The following STRN3 variants were observed in gnomAD, a reference collection of about 807,000 sequenced individuals.
STRN3 encodes striatin-3.
A neutral mutation model predicts 95.6 loss-of-function variants in STRN3; 29 were observed. The ratio of observed to expected loss-of-function variants is 0.30; its 90% CI spans 0.23 to 0.41. STRN3 has a LOEUF of 0.41. STRN3 is among the 10% of genes least tolerant of loss of function. The pLI is 1.00. For synonymous variants in STRN3, 331 were observed against 357.6 expected, an observed-to-expected ratio of 0.93 and a Z score of 0.84; for missense variants, 890 against 972.1, an observed-to-expected ratio of 0.92 and a Z score of 1.12.
intron 5 of STRN3, among the ~76,000 whole-genome samples, chr14:30,945,704 T>C (rs1879328117): frequency 6.6e-6 from 1 of 152,248 alleles, no homozygotes; most frequent in Non-Finnish European, 1.5e-5. Flanking sequence ...GAAGTGCTGA[T>C]GCATGCTATA....
chr14:30,952,122 AAC>A (rs1449051774), intron 3 of STRN3, among the ~76,000 whole-genome samples: 1 of 29,250 alleles, frequency 3.4e-5, no homozygotes, highest in Non-Finnish European at 1.3e-4. Context: ...TGTCTTAAAC[AAC>A]AAAAAAAAAG....
chr14:30,957,179 G>A (rs1470857637), intron 1 of STRN3, among the ~76,000 whole-genome samples: 1 of 151,710 alleles, frequency 6.6e-6, no homozygotes. Flanking sequence ...GAGGGGCCGA[G>A]CGCGGCGGCT....
chr14:30,926,711 T>G lies in STRN3; in HGVS notation c.1099+2490A>C, dbSNP rs117598625. Among the ~76,000 whole-genome samples the G allele has an allele frequency of 1.8e-3, 277 of 152,182 alleles. 5 individuals carry two copies. In the East Asian group the frequency reaches 0.032, roughly 17 times the overall value. On this transcript the variant is annotated intron_variant, in intron 8 of 17. Coordinates refer to ENST00000357479, the MANE Select transcript of STRN3 (RefSeq NM_001083893.2). Reference sequence around the variant, plus strand: ...ATTATATAAGCAAAATTCATTTTTTTGAAAAAACAGATATGAAATCAAAAT... The same window carrying G: ...ATTATATAAGCAAAATTCATTTTTTGGAAAAAACAGATATGAAATCAAAAT...
At chr14:30,907,600 T>TC (rs1896499741) in intron 13 of STRN3, among the ~76,000 whole-genome samples, 1 of 151,964 alleles carries the variant, frequency 6.6e-6, no homozygotes, top group Admixed American at 6.6e-5. Context: ...TATGTTTTCT[T>TC]TTTTTCTTTT....
At chr14:30,929,964 A>AAAAAAAC (rs1878421025) in intron 7 of STRN3, among the ~76,000 whole-genome samples, 1 of 147,224 alleles carries the variant, frequency 6.8e-6, no homozygotes. Flanking sequence ...CAAAAAAAAA[A>AAAAAAAC]AAAAAAAAAA....
intron 12 of STRN3, 64 bp downstream of exon 12, chr14:30,911,713 G>A: frequency 1.4e-6 from 2 of 1,414,356 alleles, no homozygotes; most frequent in Non-Finnish European, 1.9e-6. Flanking sequence ...AAGGTTTGAG[G>A]ACCGATAAAT....
intron 1 of STRN3, among the ~76,000 whole-genome samples, chr14:30,980,223 T>A (rs1881322629): frequency 6.6e-6 from 1 of 151,870 alleles, no homozygotes; most frequent in African/African-American, 2.4e-5. Context: ...ACAGCTGGGA[T>A]GACAGAGCAA....
intron 9 of STRN3, among the ~76,000 whole-genome samples, chr14:30,913,992 A>G (rs1025912855): frequency 6.6e-6 from 1 of 152,228 alleles, no homozygotes; most frequent in African/African-American, 2.4e-5. Flanking sequence ...ACAAATTTTG[A>G]TTAAATAATG....
intron 16 of STRN3, among the ~76,000 whole-genome samples, chr14:30,898,579 G>A (rs1269891277): frequency 6.6e-6 from 1 of 152,148 alleles, no homozygotes; most frequent in Non-Finnish European, 1.5e-5. Context: ...AGAACACAAT[G>A]CTGGACCAAG....
chr14:31,014,812 T>TAAA, intron 1 of STRN3: 1 of 411,092 alleles, frequency 2.4e-6, no homozygotes, highest in Non-Finnish European at 4.7e-6. Flanking sequence ...CAAAACCACT[T>TAAA]TAAAAAAAAA....
At chr14:31,017,924 A>G (rs1883318180) in intron 1 of STRN3, among the ~76,000 whole-genome samples, 1 of 151,760 alleles carries the variant, frequency 6.6e-6, no homozygotes, top group Admixed American at 6.6e-5. Flanking sequence ...AAAAATACAA[A>G]ATAATTAGCT....
intron 5 of STRN3, among the ~76,000 whole-genome samples, chr14:30,939,555 C>T (rs1878991311): frequency 1.3e-5 from 2 of 152,072 alleles, no homozygotes; most frequent in Non-Finnish European, 2.9e-5. Flanking sequence ...TCATGAGTAT[C>T]GTCAATCTTT....
In STRN3 at chr14:30,970,594, A is replaced by G. The variant is rs188954777; in HGVS notation, c.283-14352T>C. Among the ~76,000 whole-genome samples the G allele has an allele frequency of 1.4e-4, 22 of 152,116 alleles. No homozygotes were observed. In the East Asian group the frequency reaches 3.7e-3, roughly 25 times the overall value. ...ATGGGGGCTGAGGTTTCAAGGACAG[A>G]CCCTATTGGACTCCTTAAAATGCAT... On this transcript the variant is annotated intron_variant, in intron 1 of 17. Coordinates refer to ENST00000357479, the MANE Select transcript of STRN3 (RefSeq NM_001083893.2).
chr14:30,954,370 A>T (rs897061309), intron 3 of STRN3, among the ~76,000 whole-genome samples: 3 of 152,216 alleles, frequency 2.0e-5, no homozygotes, highest in African/African-American at 4.8e-5. Context: ...TTCTACTATG[A>T]TCAAATCAAT....
At chr14:30,957,876 G>C (rs953548682) in intron 1 of STRN3, among the ~76,000 whole-genome samples, 1 of 152,156 alleles carries the variant, frequency 6.6e-6, no homozygotes, top group Non-Finnish European at 1.5e-5. Flanking sequence ...TGTTCAGTAT[G>C]AGAAAGAAAG....
intron 1 of STRN3, among the ~76,000 whole-genome samples, chr14:30,957,468 A>AAAAAGAG (rs1555320671): frequency 4.3e-5 from 6 of 139,106 alleles, no homozygotes; most frequent in South Asian, 2.2e-4. Flanking sequence ...AAAAAAAAAA[A>AAAAAGAG]AGAGAGAGAG....
intron 15 of STRN3, 25 bp from the exon 16 acceptor site, chr14:30,902,668 G>A (rs1458931688): frequency 7.6e-6 from 11 of 1,446,894 alleles, no homozygotes; most frequent in African/African-American, 1.4e-5. Flanking sequence ...AAGACAATAA[G>A]TTAAAATTCA....
At chr14:30,972,877 C>T (rs1226071577) in intron 1 of STRN3, among the ~76,000 whole-genome samples, 4 of 152,142 alleles carry the variant, frequency 2.6e-5, no homozygotes, top group African/African-American at 7.2e-5. Flanking sequence ...GAACTTACAG[C>T]AAACAACAGA....
chr14:30,911,294 A>AAT, intron 12 of STRN3, 132 bp from the exon 13 acceptor site: 183 of 718,434 alleles, frequency 2.5e-4, no homozygotes, highest in Middle Eastern at 4.5e-4. Context: ...CCTGACTGGT[A>AAT]CTTTTTTTTT....
Sources: gnomAD v4.1 joint callset for allele counts (sites outside exome capture counted in the v4.1 genomes callset) on GRCh38, gnomAD v4.1.1 for gene constraint, MANE v1.5 for transcripts, NCBI Gene and HGNC (gene_info 2026-07-23, HGNC 2026-07-21) for gene names.